Variants in RANBP2 observed in about 807,000 individuals in gnomAD.
The protein encoded by RANBP2 is RAN binding protein 2.
In RANBP2, 57 loss-of-function variants were observed where a neutral mutation model predicts 303.6. The observed-to-expected ratio is 0.19, with a 90% confidence interval of 0.15 to 0.23. RANBP2 has a LOEUF of 0.23. Ranked by LOEUF, RANBP2 falls within the 10% of genes least tolerant of loss-of-function variation. The probability of loss-of-function intolerance (pLI) is 1.00; values close to 1 mark genes in which losing one functional copy is unlikely to be tolerated. For synonymous variants in RANBP2, 1,167 were observed against 1,301.5 expected, an observed-to-expected ratio of 0.90 and a Z score of 2.23; for missense variants, 3,138 against 3,780.8, an observed-to-expected ratio of 0.83 and a Z score of 4.46.
chr2:109,371,495 C>G, the RANBP2 span: 1 of 1,019,818 alleles, frequency 9.8e-7, no homozygotes, highest in Non-Finnish European at 1.5e-6. Flanking sequence ...GAATCTCTTC[C>G]GAGCCTCCAC....
At chr2:108,760,050 TCTC>T (rs1349710901) in intron 18 of RANBP2, among the ~76,000 whole-genome samples, 1 of 152,036 alleles carries the variant, frequency 6.6e-6, no homozygotes, top group East Asian at 1.9e-4. Flanking sequence ...AGAGCCAAGA[TCTC>T]CTGATTTCTG....
At chr2:109,002,761 C>T in the RANBP2 span, among the ~76,000 whole-genome samples, 7 of 152,136 alleles carry the variant, frequency 4.6e-5, no homozygotes, top group Non-Finnish European at 8.8e-5. Flanking sequence ...AGATAACAAT[C>T]CTTCATTTCA....
At chr2:109,503,124 T>C in the RANBP2 span, 1 of 152,220 alleles carries the variant, frequency 6.6e-6, no homozygotes, top group Non-Finnish European at 1.5e-5. Context: ...TCAGGAGCCC[T>C]TCAGGGACAA....
At chr2:109,238,460 TGTG>T in the RANBP2 span, among the ~76,000 whole-genome samples, 1 of 51,882 alleles carries the variant, frequency 1.9e-5, no homozygotes, top group African/African-American at 1.2e-4. Context: ...TGTGTGTGTG[TGTG>T]TGTGTGTGTG....
the RANBP2 span, among the ~76,000 whole-genome samples, chr2:108,904,525 A>G: frequency 6.6e-6 from 1 of 152,310 alleles, no homozygotes; most frequent in Admixed American, 6.5e-5. Flanking sequence ...TATTTATAGC[A>G]CCTTTATTCA....
At chr2:108,876,836 C>G in the RANBP2 span, among the ~76,000 whole-genome samples, 12 of 151,992 alleles carry the variant, frequency 7.9e-5, no homozygotes, top group African/African-American at 2.9e-4. Context: ...CAAGGCAAGA[C>G]ATTTTTTAAA....
the RANBP2 span, among the ~76,000 whole-genome samples, chr2:108,925,242 C>T: frequency 6.6e-6 from 1 of 152,216 alleles, no homozygotes; most frequent in Non-Finnish European, 1.5e-5. Context: ...TGTCTGTAAA[C>T]ATTGGCTGAA....
the RANBP2 span, among the ~76,000 whole-genome samples, chr2:109,584,008 C>G: frequency 0.45 from 69,037 of 151,902 alleles, 16,132 homozygotes; most frequent in African/African-American, 0.56. Flanking sequence ...GGAAGATACC[C>G]GGTAAAGGCT....
chr2:109,459,661 C>A, the RANBP2 span, among the ~76,000 whole-genome samples: 1 of 152,122 alleles, frequency 6.6e-6, no homozygotes, highest in South Asian at 2.1e-4. Flanking sequence ...CCCGTTCCTG[C>A]CTTTGATTCT....
At chr2:109,512,023 C>T in the RANBP2 span, among the ~76,000 whole-genome samples, 1 of 152,184 alleles carries the variant, frequency 6.6e-6, no homozygotes, top group African/African-American at 2.4e-5. Context: ...AGCTGAGTGC[C>T]AGACCCATCT....
At chr2:109,707,642 C>G in the RANBP2 span, among the ~76,000 whole-genome samples, 15 of 152,286 alleles carry the variant, frequency 9.8e-5, no homozygotes, top group East Asian at 2.9e-3. Flanking sequence ...CAGGGCCCAG[C>G]AGGGATGGCT....
the RANBP2 span, among the ~76,000 whole-genome samples, chr2:109,434,492 G>C: frequency 2.0e-5 from 3 of 152,228 alleles, no homozygotes; most frequent in Non-Finnish European, 2.9e-5. Context: ...AACTCCTGAC[G>C]TGTGTCAGTC....
chr2:108,892,630 C>G, the RANBP2 span, among the ~76,000 whole-genome samples: 1 of 152,170 alleles, frequency 6.6e-6, no homozygotes, highest in Non-Finnish European at 1.5e-5. Context: ...ATCCCATGGT[C>G]TCCCAGCAGC....
At chr2:109,655,451 G>A in the RANBP2 span, among the ~76,000 whole-genome samples, 1 of 152,158 alleles carries the variant, frequency 6.6e-6, no homozygotes, top group Non-Finnish European at 1.5e-5. Flanking sequence ...AGCCATGGAT[G>A]AGCTGATGAA....
At chr2:108,836,247 A>G in the RANBP2 span, among the ~76,000 whole-genome samples, 1 of 152,330 alleles carries the variant, frequency 6.6e-6, no homozygotes, top group African/African-American at 2.4e-5. Context: ...TATGGATGGA[A>G]TCATAATAGT....
chr2:108,746,253 C>G (rs1027336642), intron 7 of RANBP2, among the ~76,000 whole-genome samples: 2 of 139,526 alleles, frequency 1.4e-5, no homozygotes, highest in Admixed American at 7.5e-5. Context: ...CGCTCTTTCA[C>G]CCAGGCTGGA....
chr2:109,050,884 T>C, the RANBP2 span, among the ~76,000 whole-genome samples: 1 of 152,312 alleles, frequency 6.6e-6, no homozygotes, highest in East Asian at 1.9e-4. Context: ...ATTTAGGAGA[T>C]GTGTAATATA....
chr2:109,172,775 G>T, the RANBP2 span, among the ~76,000 whole-genome samples: 6 of 152,360 alleles, frequency 3.9e-5, no homozygotes, highest in African/African-American at 1.4e-4. Flanking sequence ...AAACCAAACT[G>T]CATGTGGGTT....
the RANBP2 span, among the ~76,000 whole-genome samples, chr2:108,997,809 T>G: frequency 1.3e-5 from 2 of 152,078 alleles, no homozygotes; most frequent in African/African-American, 4.8e-5. Flanking sequence ...GAGAATCACT[T>G]GAACTCGGAG....
Sources: allele counts gnomAD v4.1 joint callset (sites outside exome capture counted in the v4.1 genomes callset), GRCh38; gene constraint gnomAD v4.1.1; transcripts MANE v1.5; gene names NCBI Gene and HGNC (gene_info 2026-07-23, HGNC 2026-07-21).